Variants in DDIAS observed in about 807,000 individuals in gnomAD.
DDIAS encodes the protein DNA damage-induced apoptosis suppressor protein.
A neutral mutation model predicts 15.7 loss-of-function variants in DDIAS; 14 were observed. The ratio of observed to expected loss-of-function variants is 0.89; its 90% CI spans 0.59 to 1.39. The LOEUF (loss-of-function observed/expected upper bound fraction) is 1.39. Among genes scored for constraint, DDIAS ranks in the 40% most tolerant of loss-of-function variants. The pLI is 0.00. For missense variants in DDIAS, 1,035 were observed against 1,130.9 expected (o/e 0.92, Z 1.22); for synonymous variants, 355 against 395.9 (o/e 0.90, Z 1.23).
chr11:82,920,639 A>T (rs1035780196), intron 3 of DDIAS, among the ~76,000 whole-genome samples: 2 of 152,182 alleles, frequency 1.3e-5, no homozygotes, highest in Non-Finnish European at 2.9e-5. Context: ...TGATCCAAGG[A>T]TCATTCAGGA....
chr11:82,924,698 C>G (rs1238920660), intron 3 of DDIAS, among the ~76,000 whole-genome samples: 1 of 151,936 alleles, frequency 6.6e-6, no homozygotes, highest in African/African-American at 2.4e-5. Flanking sequence ...GCCTGTAGTC[C>G]CAGCTGCTCA....
chr11:82,907,636 C>T (rs1159499485), intron 1 of DDIAS, among the ~76,000 whole-genome samples: 1 of 152,206 alleles, frequency 6.6e-6, no homozygotes, highest in Non-Finnish European at 1.5e-5. Context: ...ATCTCCCAGA[C>T]TCAAGTGACC....
At position 82,924,474 on chromosome 11, in the gene DDIAS, C is replaced by T. The variant is rs1860816363; in HGVS notation, c.114-4303C>T. The stretch of plus-strand genomic sequence containing the variant: ...TAAGAAAACATTAAGGATTACTTAT[C>T]TCACCAGTTCTTCTACATCTGGGCT... On this transcript the variant is annotated intron_variant, in intron 3 of 5. Transcript: ENST00000533655. Among the ~76,000 whole-genome samples, 4 of 152,166 alleles carry T rather than the reference C, an allele frequency of 2.6e-5. No individual in the cohort carries two copies. The South Asian group carries it at 6.2e-4, about 24-fold the overall frequency.
chr11:82,928,361 T>C (rs943874860), intron 3 of DDIAS, among the ~76,000 whole-genome samples: 1 of 151,542 alleles, frequency 6.6e-6, no homozygotes, highest in African/African-American at 2.4e-5. Context: ...ACCACACCCA[T>C]CTAATTTTTA....
intron 3 of DDIAS, among the ~76,000 whole-genome samples, chr11:82,918,483 T>G (rs192898773): frequency 2.0e-5 from 3 of 152,366 alleles, no homozygotes; most frequent in Admixed American, 1.3e-4. Flanking sequence ...GACGATGGCC[T>G]TATAGTACAG....
At chr11:82,905,943 C>G (rs866601316) in intron 1 of DDIAS, among the ~76,000 whole-genome samples, 1 of 152,180 alleles carries the variant, frequency 6.6e-6, no homozygotes, top group East Asian at 1.9e-4. Flanking sequence ...AAATTGTTCC[C>G]AAGTGTATCA....
At position 82,934,083 on chromosome 11, in the gene DDIAS, T is replaced by A; in HGVS notation, c.2745T>A (p.Gly915=). The A allele has an allele frequency of 6.2e-7, 1 of 1,610,088 alleles. No homozygotes were observed. Among genetic ancestry groups the A allele is most frequent in the Non-Finnish European group, 8.5e-7 (1 of 1,179,092 alleles). ...LKHIRQGTNK[G]LIKKKLKNML... is the part of the protein sequence containing the mutation. ...ATATTAGACAAGGAACCAATAAAGGTTTAATTAAGAAGAAATTAAAGAATA... is the reference window on the plus strand; with the variant it reads ...ATATTAGACAAGGAACCAATAAAGGATTAATTAAGAAGAAATTAAAGAATA... Residue 915 remains glycine (G), a synonymous_variant, in exon 6 of 6, where the codon GGT becomes GGA. Coordinates refer to ENST00000533655, the MANE Select transcript of DDIAS (RefSeq NM_145018.4).
chr11:82,902,371 T>A (rs1212428944), intron 1 of DDIAS, among the ~76,000 whole-genome samples: 1 of 152,072 alleles, frequency 6.6e-6, no homozygotes, highest in Non-Finnish European at 1.5e-5. Context: ...GACTGCTACA[T>A]AGCTGTGACA....
chr11:82,930,279 T>C lies in DDIAS; in HGVS notation c.393+5T>C, dbSNP rs1565250554. The C allele has an allele frequency of 6.7e-7, 1 of 1,485,842 alleles. No individual in the cohort carries two copies. Among genetic ancestry groups the C allele is most frequent in the Non-Finnish European group, 9.3e-7 (1 of 1,075,622 alleles). 92.0% of individuals were successfully genotyped at this position (1,485,842 alleles called of 1,614,324 possible). A position where few individuals can be genotyped will look rare whatever the true frequency, so the allele number is the denominator to read the frequency against. Reference sequence around the variant, plus strand: ...AGCTTTATTTTTGGAGTGACGGTAATTGAGACTAGCTTTCTTTTTAATAAT... The same window carrying C: ...AGCTTTATTTTTGGAGTGACGGTAACTGAGACTAGCTTTCTTTTTAATAAT... On this transcript the variant is annotated splice_donor_5th_base_variant and intron_variant, in intron 5 of 5. Transcript: ENST00000533655.
intron 3 of DDIAS, among the ~76,000 whole-genome samples, chr11:82,925,289 C>T (rs950814320): frequency 6.6e-6 from 1 of 151,874 alleles, no homozygotes; most frequent in Admixed American, 6.6e-5. Context: ...CATTTAATTT[C>T]TCGTTTTATG....
intron 1 of DDIAS, among the ~76,000 whole-genome samples, chr11:82,910,606 CTTTTTTTTTTTT>C (rs869173859): frequency 9.0e-5 from 8 of 89,110 alleles, no homozygotes; most frequent in African/African-American, 3.2e-4. Flanking sequence ...CTCTCTCTCT[CTTTTTTTTTTTT>C]TTTTTTTTTT....
rs1288670520 is a variant in DDIAS at position 82,913,351 on chromosome 11, C to T, written c.-52C>T. On this transcript the variant is annotated 5_prime_UTR_variant, in exon 2 of 6. Coordinates refer to ENST00000533655, the MANE Select transcript of DDIAS (RefSeq NM_145018.4). The stretch of plus-strand genomic sequence containing the variant: ...ATCATAGCTCACTATGGCCTTGATC[C>T]TCCTGCCTTAGCCTCCCAAGCAGCT... 6.0e-6 allele frequency: 1 copy of T among 167,618 alleles called. No individual in the cohort carries two copies. Among genetic ancestry groups the T allele is most frequent in the Non-Finnish European group, 1.3e-5 (1 of 78,174 alleles). The allele number at this position is 167,618 out of a possible 1,614,324, so 10.4% of individuals were successfully genotyped here.
intron 1 of DDIAS, among the ~76,000 whole-genome samples, chr11:82,906,604 A>G (rs1860436660): frequency 6.6e-6 from 1 of 152,160 alleles, no homozygotes; most frequent in Non-Finnish European, 1.5e-5. Flanking sequence ...TAAAGTTTGA[A>G]TAACAATTGT....
At position 82,901,806 on chromosome 11, in the gene DDIAS, C is replaced by T. The variant is rs1808127352; in HGVS notation, c.-133C>T. 1 of 152,124 alleles carries T rather than the reference C, an allele frequency of 6.6e-6. No individual in the cohort carries two copies. The highest frequency in any genetic ancestry group is 1.5e-5 in the Non-Finnish European group (1 of 68,060). The allele number at this position is 152,124 out of a possible 1,614,324, so 9.4% of individuals were successfully genotyped here. ...CACTGTGCGTCGCCTGGGCCCGTTCCTGGTCTTCTCCCCCAGGTGAGCTGG... is the reference window on the plus strand; with the variant it reads ...CACTGTGCGTCGCCTGGGCCCGTTCTTGGTCTTCTCCCCCAGGTGAGCTGG... On this transcript the variant is annotated 5_prime_UTR_variant, in exon 1 of 6. Transcript: ENST00000533655.
chr11:82,934,466 G>C lies in DDIAS; in HGVS notation c.*131G>C. 3 of 873,550 alleles carry C rather than the reference G, an allele frequency of 3.4e-6. No individual in the cohort carries two copies. Among genetic ancestry groups the C allele is most frequent in the Non-Finnish European group, 5.0e-6 (3 of 599,936 alleles). The allele number at this position is 873,550 out of a possible 1,614,324, so 54.1% of individuals were successfully genotyped here. A position where few individuals can be genotyped will look rare whatever the true frequency, so the allele number is the denominator to read the frequency against. The stretch of plus-strand genomic sequence containing the variant: ...AATTGAAAACAGGACTCTGCTGGGA[G>C]CTACTGTGCCTTTTAAAATATAAAG... On this transcript the variant is annotated 3_prime_UTR_variant, in exon 6 of 6. Coordinates refer to ENST00000533655, the MANE Select transcript of DDIAS (RefSeq NM_145018.4).
At chr11:82,926,226 A>C (rs1860859643) in intron 3 of DDIAS, among the ~76,000 whole-genome samples, 1 of 151,490 alleles carries the variant, frequency 6.6e-6, no homozygotes, top group African/African-American at 2.4e-5. Flanking sequence ...AGTAGCTGGG[A>C]CTACAGGCGC....
chr11:82,934,000 T>C lies in DDIAS; in HGVS notation c.2662T>C (p.Cys888Arg). The change falls in exon 6 of 6, where the codon TGC (cysteine) becomes CGC (arginine). Residue 888 changes from cysteine (C) to arginine (R), a missense_variant. By Grantham distance (180) the Cys-to-Arg change is radical. Coordinates refer to ENST00000533655, the MANE Select transcript of DDIAS (RefSeq NM_145018.4). ...LGFQGIGLGK[C>R]LAAYHFPDQQ... ...ATTCCAAGGCATAGGTCTAGGGAAA[T>C]GCCTTGCTGCCTATCATTTCCCTGA... The C allele has an allele frequency of 6.2e-7, 1 of 1,613,652 alleles. No individual in the cohort carries two copies. Among genetic ancestry groups the C allele is most frequent in the Non-Finnish European group, 8.5e-7 (1 of 1,179,940 alleles).
In DDIAS at chr11:82,934,115, C is replaced by G. The variant is rs199840462; in HGVS notation, c.2777C>G (p.Ala926Gly). 1.9e-6 allele frequency: 3 copies of G among 1,609,444 alleles called. No homozygotes were observed. Among genetic ancestry groups the G allele is most frequent in the Non-Finnish European group, 2.5e-6 (3 of 1,178,772 alleles). ...AAGAAGAAATTAAAGAATATGCTTG[C>G]AGCAGTTGTTACGAAAAAGAAAACT... ...LIKKKLKNML[A>G]AVVTKKKTHK... The change falls in exon 6 of 6, where the codon GCA (alanine) becomes GGA (glycine). Residue 926 changes from alanine to glycine, a missense_variant. Physicochemically the swap from Ala to Gly is moderately conservative, Grantham distance 60. Transcript: ENST00000533655.
chr11:82,909,441 C>T (rs1240521011), intron 1 of DDIAS: 7 of 152,160 alleles, frequency 4.6e-5, no homozygotes, highest in Admixed American at 3.3e-4. Flanking sequence ...ATGCCTTAAC[C>T]GTCTGGGAAT....
Sources: gnomAD v4.1 joint callset for allele counts (sites outside exome capture counted in the v4.1 genomes callset) on GRCh38, gnomAD v4.1.1 for gene constraint, MANE v1.5 for transcripts, NCBI Gene and HGNC (gene_info 2026-07-23, HGNC 2026-07-21) for gene names.